PDE9A: variants seen among roughly 807,000 people sequenced by gnomAD.
PDE9A encodes phosphodiesterase 9A, also known as high affinity cGMP-specific 3',5'-cyclic phosphodiesterase 9A.
In PDE9A, 60 loss-of-function variants were observed where a neutral mutation model predicts 87.4. The ratio of observed to expected loss-of-function variants is 0.69; its 90% CI spans 0.56 to 0.85. The LOEUF (loss-of-function observed/expected upper bound fraction) is 0.85, where lower values mean the gene tolerates loss of function less well. PDE9A is among the 40% of genes least tolerant of loss of function. PDE9A has a pLI of 0.00. For synonymous variants in PDE9A, 272 were observed against 279.4 expected (o/e 0.97, Z 0.27); for missense variants, 665 against 779.0 (o/e 0.85, Z 1.74).
intron 3 of PDE9A, among the ~76,000 whole-genome samples, chr21:42,690,781 C>T (rs1302854140): frequency 6.6e-6 from 1 of 152,108 alleles, no homozygotes; most frequent in Non-Finnish European, 1.5e-5. Flanking sequence ...CCAACTTATG[C>T]CTCACCAACT....
At chr21:42,677,504 T>C (rs1297434611) in intron 1 of PDE9A, among the ~76,000 whole-genome samples, 1 of 152,198 alleles carries the variant, frequency 6.6e-6, no homozygotes, top group African/African-American at 2.4e-5. Flanking sequence ...GAGGGCGCTG[T>C]CTTAGGGAGG....
In PDE9A at chr21:42,723,347, A is replaced by G. The variant is rs2050722259; in HGVS notation, c.263-8423A>G. Among the ~76,000 whole-genome samples the G allele has an allele frequency of 6.6e-6, 1 of 152,244 alleles. No individual in the cohort carries two copies. ...AACAATTCTGCCAGCCCCGGCCAGC[A>G]TTCCCTGCATGTGCTTATCAAGTGA... On this transcript the variant is annotated intron_variant, in intron 4 of 19. Transcript: ENST00000291539. This position sits in a 1 kb window ranked among gnomAD's most constrained non-coding sequence, Gnocchi z 4.3.
chr21:42,670,430 TCA>T (rs1198707773), intron 1 of PDE9A, among the ~76,000 whole-genome samples: 11 of 147,944 alleles, frequency 7.4e-5, no homozygotes, highest in East Asian at 4.0e-4. Context: ...GCACTTACAG[TCA>T]CACATACACT....
chr21:42,757,728 T>A (rs748059909), intron 10 of PDE9A: 2 of 152,132 alleles, frequency 1.3e-5, no homozygotes, highest in Non-Finnish European at 2.9e-5. Context: ...GCCAGCAAGA[T>A]GGCCGCCTTC....
At chr21:42,693,334 T>C (rs1205408242) in intron 3 of PDE9A, among the ~76,000 whole-genome samples, 3 of 150,486 alleles carry the variant, frequency 2.0e-5, no homozygotes, top group South Asian at 2.1e-4. Flanking sequence ...AGTCTGGCTC[T>C]GTCGCCCAGG....
intron 1 of PDE9A, among the ~76,000 whole-genome samples, chr21:42,656,997 A>C (rs2057124537): frequency 6.6e-6 from 1 of 152,226 alleles, no homozygotes; most frequent in African/African-American, 2.4e-5. Flanking sequence ...TGGGAAGCTG[A>C]GTGCTGGCGG....
chr21:42,708,326 G>A (rs1320934719), intron 4 of PDE9A, among the ~76,000 whole-genome samples: 4 of 152,144 alleles, frequency 2.6e-5, no homozygotes, highest in East Asian at 1.9e-4. Context: ...ACAGTAATAC[G>A]GAAGCCTGCG....
In PDE9A at chr21:42,704,383, T is replaced by C. The variant is rs918969196; in HGVS notation, c.262+5372T>C. ...TCCAAATAGGCCAGTGTTCCAGGCT[T>C]TTCTTTAGGAGACAAAGTCGGTGTC... On this transcript the variant is annotated intron_variant, in intron 4 of 19. Transcript: ENST00000291539. The surrounding 1 kb of genome is among the most constrained non-coding windows in gnomAD (Gnocchi z 5.3). 5.3e-5 allele frequency among the ~76,000 whole-genome samples: 8 copies of C among 150,734 alleles called. No homozygotes were observed. Among genetic ancestry groups the C allele is most frequent in the Non-Finnish European group, 7.4e-5 (5 of 67,862 alleles).
intron 18 of PDE9A, among the ~76,000 whole-genome samples, chr21:42,771,464 GCCC>G: frequency 6.6e-6 from 1 of 152,192 alleles, no homozygotes; most frequent in Non-Finnish European, 1.5e-5. Flanking sequence ...TCCCTCCAGC[GCCC>G]CCAGGCAGCT....
chr21:42,730,187 A>G (rs2051571669), intron 4 of PDE9A, among the ~76,000 whole-genome samples: 1 of 152,196 alleles, frequency 6.6e-6, no homozygotes, highest in Non-Finnish European at 1.5e-5. Context: ...TTCCCCCACT[A>G]GTAGGTGTGG....
At chr21:42,706,052 G>A (rs936904623) in intron 4 of PDE9A, among the ~76,000 whole-genome samples, 1 of 152,216 alleles carries the variant, frequency 6.6e-6, no homozygotes, top group Non-Finnish European at 1.5e-5. Context: ...AGAGGAGGCC[G>A]GCGGCCGGCA....
intron 1 of PDE9A, among the ~76,000 whole-genome samples, chr21:42,664,836 G>C (rs1183138792): frequency 3.3e-5 from 5 of 152,220 alleles, no homozygotes. Flanking sequence ...ACTTCCGCCC[G>C]CCTGCACTGT....
Position 42,739,386 on chromosome 21 carries a change from A to G in PDE9A, c.569-4390A>G, listed in dbSNP as rs1459080101. Among the ~76,000 whole-genome samples, 1 of 152,064 alleles carries G rather than the reference A, an allele frequency of 6.6e-6. No individual in the cohort carries two copies. The highest frequency in any genetic ancestry group is 1.5e-5 in the Non-Finnish European group (1 of 68,002). ...AGGGGAGCTGTGGAATCTTCCCCAA[A>G]GCAGCCGGGTGTCCTGGAAAGGCCA... is the stretch of plus-strand genomic sequence containing the variant. On this transcript the variant is annotated intron_variant, in intron 7 of 19. Transcript: ENST00000291539. The surrounding 1 kb of genome is among the most constrained non-coding windows in gnomAD (Gnocchi z 4.1).
intron 1 of PDE9A, among the ~76,000 whole-genome samples, chr21:42,664,910 T>G (rs887492162): frequency 9.2e-5 from 14 of 152,216 alleles, no homozygotes; most frequent in Non-Finnish European, 1.8e-4. Flanking sequence ...TTGAATTGTG[T>G]CTCCCAAAAA....
At chr21:42,686,489 G>A (rs2059482909) in intron 2 of PDE9A, among the ~76,000 whole-genome samples, 1 of 152,236 alleles carries the variant, frequency 6.6e-6, no homozygotes, top group African/African-American at 2.4e-5. Flanking sequence ...GAAACCGTCG[G>A]GCTGAATTAA....
At chr21:42,708,797 C>T (rs1019704227) in intron 4 of PDE9A, among the ~76,000 whole-genome samples, 4 of 152,068 alleles carry the variant, frequency 2.6e-5, no homozygotes, top group Admixed American at 6.5e-5. Flanking sequence ...CTCAGGTGAT[C>T]CACCTGCCTC....
At chr21:42,720,866 G>A (rs1364579132) in intron 4 of PDE9A, among the ~76,000 whole-genome samples, 2 of 151,610 alleles carry the variant, frequency 1.3e-5, no homozygotes, top group East Asian at 2.0e-4. Context: ...TTAGCCCGGC[G>A]TGGTGGTGCA....
At chr21:42,703,982 G>A (rs1281527268) in intron 4 of PDE9A, among the ~76,000 whole-genome samples, 1 of 152,246 alleles carries the variant, frequency 6.6e-6, no homozygotes, top group Non-Finnish European at 1.5e-5. Context: ...GAGGGCTGGG[G>A]TTGGTTCAGG....
intron 1 of PDE9A, among the ~76,000 whole-genome samples, chr21:42,682,382 T>G (rs757653133): frequency 1.5e-4 from 23 of 152,092 alleles, no homozygotes; most frequent in Non-Finnish European, 1.9e-4. Flanking sequence ...CAACATAATC[T>G]CAAAGAGAGA....
Sources: gnomAD v4.1 joint callset for allele counts (sites outside exome capture counted in the v4.1 genomes callset) on GRCh38, gnomAD v4.1.1 for gene constraint, Gnocchi (gnomAD v3.1) non-coding constraint, MANE v1.5 for transcripts, NCBI Gene and HGNC (gene_info 2026-07-23, HGNC 2026-07-21) for gene names.